The following MSI2 variants were observed in gnomAD, a reference collection of about 807,000 sequenced individuals.
MSI2 encodes musashi RNA binding protein 2, also known as RNA-binding protein Musashi homolog 2.
Under a neutral mutation model 45.6 loss-of-function variants are expected in MSI2, and 17 were observed. The observed-to-expected ratio is 0.37, with a 90% CI of 0.26 to 0.56. The LOEUF (loss-of-function observed/expected upper bound fraction) is 0.56, where lower values mean the gene tolerates loss of function less well. Ranked by LOEUF, MSI2 falls within the 20% of genes least tolerant of loss-of-function variation. MSI2 has a pLI of 0.77. For synonymous variants in MSI2, 156 were observed against 158.2 expected (o/e 0.99, Z 0.11); for missense variants, 293 against 444.2 (o/e 0.66, Z 3.06).
rs763687466 is a variant in MSI2, at chr17:57,552,582, C to T, written c.454+22858C>T. ...TTTTTTAATCCCTATTGCCCAGCAA[C>T]GGCTTCCTTGGTTAGAGACAGTCTG... On this transcript the variant is annotated intron_variant, in intron 7 of 13. Transcript: ENST00000284073. The surrounding 1 kb of genome is among the most constrained non-coding windows in gnomAD (Gnocchi z 4.3). Among the ~76,000 whole-genome samples the T allele has an allele frequency of 8.3e-4, 127 of 152,296 alleles. No individual in the cohort carries two copies. The highest frequency in any genetic ancestry group is 3.4e-3 in the Middle Eastern group (1 of 294).
At chr17:57,649,927 GC>G (rs1339386513) in intron 10 of MSI2, among the ~76,000 whole-genome samples, 1 of 152,190 alleles carries the variant, frequency 6.6e-6, no homozygotes, top group Non-Finnish European at 1.5e-5. Flanking sequence ...TGGAGCTGCT[GC>G]CCGTGCTGTG....
intron 6 of MSI2, among the ~76,000 whole-genome samples, chr17:57,443,414 A>G (rs1026035010): frequency 3.3e-5 from 5 of 152,204 alleles, no homozygotes; most frequent in African/African-American, 1.2e-4. Context: ...ACCGGCAGGA[A>G]CTGCCTCTCC....
chr17:57,420,389 A>T (rs1315803288), intron 6 of MSI2, among the ~76,000 whole-genome samples: 5 of 151,994 alleles, frequency 3.3e-5, no homozygotes, highest in Admixed American at 2.0e-4. Flanking sequence ...GCTCTCCCCC[A>T]CTTTTGGAGC....
At chr17:57,504,795 G>A (rs2086191889) in intron 6 of MSI2, among the ~76,000 whole-genome samples, 1 of 152,118 alleles carries the variant, frequency 6.6e-6, no homozygotes, top group Non-Finnish European at 1.5e-5. Context: ...AGCCGGGCAG[G>A]TGGCAGGCGC....
At chr17:57,437,907 A>G (rs1201526870) in intron 6 of MSI2, among the ~76,000 whole-genome samples, 1 of 152,156 alleles carries the variant, frequency 6.6e-6, no homozygotes, top group African/African-American at 2.4e-5. Flanking sequence ...CATGGGGCCT[A>G]ATGTGGTGTG....
intron 4 of MSI2, among the ~76,000 whole-genome samples, chr17:57,261,293 G>A (rs1339463619): frequency 1.3e-5 from 2 of 152,058 alleles, no homozygotes; most frequent in Non-Finnish European, 2.9e-5. Flanking sequence ...CTCGGATTGA[G>A]GTTGGGGTAG....
downstream of MSI2, chr17:57,685,441 A>C (rs1036881708): frequency 2.6e-5 from 4 of 152,200 alleles, no homozygotes; most frequent in African/African-American, 9.7e-5. Context: ...GGCCCCCAGG[A>C]AAGCTGTATT....
At position 57,529,469 on chromosome 17, in the gene MSI2, A is replaced by G. The variant is rs935722410; in HGVS notation, c.406-207A>G. ...AAAAGCAGACACTAAAGGGAACTAT[A>G]TAAAATGTTAACTGTATACAACGGT... is the stretch of plus-strand genomic sequence containing the variant. On this transcript the variant is annotated intron_variant, in intron 6 of 13. Coordinates refer to ENST00000284073, the MANE Select transcript of MSI2 (RefSeq NM_138962.4). The surrounding 1 kb of genome is among the most constrained non-coding windows in gnomAD (Gnocchi z 5.3). 6.6e-6 allele frequency among the ~76,000 whole-genome samples: 1 copy of G among 152,092 alleles called. No homozygotes were observed. Among genetic ancestry groups the G allele is most frequent in the African/African-American group, 2.4e-5 (1 of 41,404 alleles).
At chr17:57,299,278 G>A (rs1430679059) in intron 5 of MSI2, among the ~76,000 whole-genome samples, 1 of 152,246 alleles carries the variant, frequency 6.6e-6, no homozygotes, top group Non-Finnish European at 1.5e-5. Context: ...GTTCACTGGA[G>A]TAGCACTTTT....
chr17:57,460,412 T>G (rs1010789261), intron 6 of MSI2, among the ~76,000 whole-genome samples: 6 of 150,826 alleles, frequency 4.0e-5, no homozygotes, highest in African/African-American at 1.5e-4. Context: ...GAAAAAGATT[T>G]GATGGGCAAA....
rs1402191652 is a variant in MSI2 at position 57,477,733 on chromosome 17, G to A, written c.406-51943G>A. Among the ~76,000 whole-genome samples, 3 of 152,178 alleles carry A rather than the reference G, an allele frequency of 2.0e-5. No individual in the cohort carries two copies. The East Asian group carries it at 5.8e-4, about 29-fold the overall frequency. On this transcript the variant is annotated intron_variant, in intron 6 of 13. Transcript: ENST00000284073. The stretch of plus-strand genomic sequence containing the variant: ...CTAGGTGCTGGGGGTGGAGAGGTTG[G>A]CAAAAGGAACAGCTTCTGAAGCTTT...
At chr17:57,692,911 T>C in the MSI2 span, among the ~76,000 whole-genome samples, 6 of 151,736 alleles carry the variant, frequency 4.0e-5, no homozygotes, top group Non-Finnish European at 7.4e-5. Flanking sequence ...TTTTTTTTTT[T>C]TCTCTTTGTT....
intron 5 of MSI2, among the ~76,000 whole-genome samples, chr17:57,356,498 A>G (rs1401980100): frequency 6.6e-6 from 1 of 152,168 alleles, no homozygotes; most frequent in Non-Finnish European, 1.5e-5. Context: ...CACAGTATTG[A>G]TAAGATTTCA....
At chr17:57,376,975 C>T (rs980687824) in intron 5 of MSI2, among the ~76,000 whole-genome samples, 13 of 150,118 alleles carry the variant, frequency 8.7e-5, no homozygotes, top group Non-Finnish European at 1.6e-4. Flanking sequence ...GGCTGGAGGG[C>T]AGTGGCGCGA....
intron 6 of MSI2, among the ~76,000 whole-genome samples, chr17:57,482,376 C>T (rs568492382): frequency 4.1e-4 from 62 of 152,316 alleles, no homozygotes; most frequent in African/African-American, 1.4e-3. Flanking sequence ...AACTGCCTGC[C>T]GACAGCCATG....
intron 6 of MSI2, among the ~76,000 whole-genome samples, chr17:57,509,217 T>C (rs1263073325): frequency 6.6e-6 from 1 of 152,164 alleles, no homozygotes; most frequent in Non-Finnish European, 1.5e-5. Flanking sequence ...TTCTGATAAA[T>C]AACTAAATTG....
intron 6 of MSI2, among the ~76,000 whole-genome samples, chr17:57,506,563 C>T (rs2086233521): frequency 6.6e-6 from 1 of 152,122 alleles, no homozygotes; most frequent in South Asian, 2.1e-4. Flanking sequence ...TCTCACCGTC[C>T]CCGAGAACAG....
chr17:57,506,518 C>T (rs529589947), intron 6 of MSI2, among the ~76,000 whole-genome samples: 2 of 152,258 alleles, frequency 1.3e-5, no homozygotes, highest in Admixed American at 6.5e-5. Context: ...CTGGTGTGCT[C>T]CTGATGCCAT....
intron 5 of MSI2, among the ~76,000 whole-genome samples, chr17:57,361,172 G>A (rs1290972305): frequency 6.6e-6 from 1 of 152,098 alleles, no homozygotes; most frequent in African/African-American, 2.4e-5. Flanking sequence ...TAACTTTTGA[G>A]TACCCCAAAA....
Sources: allele counts gnomAD v4.1 joint callset (sites outside exome capture counted in the v4.1 genomes callset), GRCh38; gene constraint gnomAD v4.1.1; non-coding constraint Gnocchi (gnomAD v3.1); transcripts MANE v1.5; gene names NCBI Gene and HGNC (gene_info 2026-07-23, HGNC 2026-07-21).